BICD2: variants seen among roughly 807,000 people sequenced by gnomAD.
BICD2 encodes the protein BICD cargo adaptor 2.
Under a neutral mutation model 72.9 loss-of-function variants are expected in BICD2, and 25 were observed. That is an observed-to-expected ratio of 0.34 (90% confidence interval 0.25 to 0.48). The LOEUF is 0.48. Ranked by LOEUF, BICD2 falls within the 20% of genes least tolerant of loss-of-function variation. BICD2 has a pLI of 0.99. For synonymous variants in BICD2, 501 were observed against 516.1 expected (o/e 0.97, Z 0.40); for missense variants, 894 against 1,175.2 (o/e 0.76, Z 3.50).
chr9:92,764,225 C>CGCCGGGGCCG lies in BICD2; in HGVS notation c.240+270_240+279dup, dbSNP rs1366354094. 6.6e-6 allele frequency among the ~76,000 whole-genome samples: 1 copy of CGCCGGGGCCG among 152,154 alleles called. No homozygotes were observed. Among genetic ancestry groups the CGCCGGGGCCG allele is most frequent in the Non-Finnish European group, 1.5e-5 (1 of 68,008 alleles). On this transcript the variant is annotated intron_variant, in intron 1 of 6. Transcript: ENST00000356884. The surrounding 1 kb of genome is among the most constrained non-coding windows in gnomAD (Gnocchi z 5.5). Reference sequence around the variant, plus strand: ...CATCAGCCCTTACGAAGCCCCGCCCCGCCGGGGCCGCCCAGGTCCGCACAG... The same window carrying CGCCGGGGCCG: ...CATCAGCCCTTACGAAGCCCCGCCCCGCCGGGGCCGGCCGGGGCCGCCCAGGTCCGCACAG...
At chr9:92,753,578 G>T (rs1340297159) in intron 1 of BICD2, among the ~76,000 whole-genome samples, 1 of 151,514 alleles carries the variant, frequency 6.6e-6, no homozygotes, top group Non-Finnish European at 1.5e-5. Flanking sequence ...TTGCTCTGTC[G>T]CCCAGGCTGG....
At position 92,719,629 on chromosome 9, in the gene BICD2, C is replaced by A. The variant is rs188776432; in HGVS notation, c.1063-47G>T. The A allele has an allele frequency of 2.7e-6, 4 of 1,508,908 alleles. No homozygotes were observed. The African/African-American group carries it at 5.5e-5, about 21-fold the overall frequency. The allele number at this position is 1,508,908 out of a possible 1,614,324, so 93.5% of individuals were successfully genotyped here. The stretch of plus-strand genomic sequence containing the variant: ...GACACCATGTCAGTTGCTATGGACC[C>A]CGAGAGCTTGGAGGACCCCCAAGAT... On this transcript the variant is annotated intron_variant, in intron 4 of 6. Coordinates refer to ENST00000356884, the MANE Select transcript of BICD2 (RefSeq NM_001003800.2).
chr9:92,737,486 C>T (rs1163797191), intron 1 of BICD2, among the ~76,000 whole-genome samples: 4 of 152,138 alleles, frequency 2.6e-5, no homozygotes, highest in African/African-American at 9.7e-5. Context: ...ATCCTGACAA[C>T]CCCAGTGTGG....
intron 1 of BICD2, among the ~76,000 whole-genome samples, chr9:92,747,903 T>A (rs1854048830): frequency 6.6e-6 from 1 of 151,796 alleles, no homozygotes; most frequent in South Asian, 2.1e-4. Flanking sequence ...AGCTGGGAGG[T>A]GACAGGCCCC....
rs1272712052 is a variant in BICD2 at position 92,729,074 on chromosome 9, T to C, written c.403A>G (p.Thr135Ala). ...GCCAGGCGCTCATTCTCCGACTGCGTGTTGGTGAGGACATTGCGCAACTGC... is the reference window on the plus strand; with the variant it reads ...GCCAGGCGCTCATTCTCCGACTGCGCGTTGGTGAGGACATTGCGCAACTGC... ...LKQLRNVLTN[T>A]QSENERLASV... Residue 135 changes from threonine to alanine, a missense_variant, in exon 2 of 7, where the codon ACG (threonine) becomes GCG (alanine). Thr to Ala is a moderately conservative substitution (Grantham distance 58). Coordinates refer to ENST00000356884, the MANE Select transcript of BICD2 (RefSeq NM_001003800.2). 6.2e-6 allele frequency: 10 copies of C among 1,614,212 alleles called. No homozygotes were observed. The highest frequency in any genetic ancestry group is 2.2e-5 in the East Asian group (1 of 44,884).
At chr9:92,741,524 A>G (rs1853896827) in intron 1 of BICD2, among the ~76,000 whole-genome samples, 1 of 152,240 alleles carries the variant, frequency 6.6e-6, no homozygotes, top group Middle Eastern at 3.2e-3. Context: ...TGCTTTCACC[A>G]TAATTTAGCC....
Position 92,718,570 on chromosome 9 carries a change from G to A in BICD2, c.2075C>T (p.Thr692Met), listed in dbSNP as rs777172982. ...GTTGGCCTTGAGCACAGTGCGCAGC[G>A]TGGTGATCTGCTCCCGCTTGGTGCT... ...LLSTKREQIT[T>M]LRTVLKANKQ... Residue 692 changes from threonine (T) to methionine (M), a missense_variant, in exon 5 of 7, where the codon ACG (threonine) becomes ATG (methionine). Thr to Met is a moderately conservative substitution (Grantham distance 81, BLOSUM62 -1). Transcript: ENST00000356884. 5.6e-6 allele frequency: 9 copies of A among 1,613,062 alleles called. No homozygotes were observed. The highest frequency in any genetic ancestry group is 4.4e-5 in the South Asian group (4 of 91,030).
chr9:92,715,768 G>A (rs1387617787), intron 6 of BICD2, among the ~76,000 whole-genome samples: 2 of 152,238 alleles, frequency 1.3e-5, no homozygotes, highest in East Asian at 1.9e-4. Context: ...TCAGCTGCAT[G>A]TAGTGCTTAC....
At chr9:92,758,960 G>A (rs1368320126) in intron 1 of BICD2, among the ~76,000 whole-genome samples, 1 of 151,272 alleles carries the variant, frequency 6.6e-6, no homozygotes. Flanking sequence ...GAGTTCAAGA[G>A]CAGCCTGGGC....
At chr9:92,739,913 G>A (rs1245195395) in intron 1 of BICD2, among the ~76,000 whole-genome samples, 3 of 152,198 alleles carry the variant, frequency 2.0e-5, no homozygotes, top group African/African-American at 7.2e-5. Context: ...GCATAGCCAG[G>A]ACTCCGCAGG....
chr9:92,720,202 G>T lies in BICD2; in HGVS notation c.1062+98C>A. The T allele has an allele frequency of 8.3e-7, 1 of 1,209,826 alleles. No homozygotes were observed. Among genetic ancestry groups the T allele is most frequent in the South Asian group, 1.5e-5 (1 of 64,892 alleles). The allele number at this position is 1,209,826 out of a possible 1,614,324, so 74.9% of individuals were successfully genotyped here. A position where few individuals can be genotyped will look rare whatever the true frequency, so the allele number is the denominator to read the frequency against. ...AGATAAAATCAACGTAAGGAAAAGG[G>T]AAAGTTAACATCAGCAGAGTGTCAG... On this transcript the variant is annotated intron_variant, in intron 4 of 6. Transcript: ENST00000356884. The surrounding 1 kb of genome is among the most constrained non-coding windows in gnomAD (Gnocchi z 5.4).
At chr9:92,743,377 T>TTTTG (rs1853937354) in intron 1 of BICD2, among the ~76,000 whole-genome samples, 1 of 148,380 alleles carries the variant, frequency 6.7e-6, no homozygotes. Context: ...TTTTTTTTTT[T>TTTTG]AAGAGATGGG....
chr9:92,724,633 G>A (rs1006929397), intron 2 of BICD2, among the ~76,000 whole-genome samples: 2 of 152,156 alleles, frequency 1.3e-5, no homozygotes, highest in Admixed American at 1.3e-4. Context: ...GGGACGAAGC[G>A]GGAGAAAGCA....
At chr9:92,737,500 A>G (rs1853812708) in intron 1 of BICD2, among the ~76,000 whole-genome samples, 1 of 152,148 alleles carries the variant, frequency 6.6e-6, no homozygotes, top group African/African-American at 2.4e-5. Flanking sequence ...AGTGTGGGGC[A>G]GCGCGTGGGA....
intron 1 of BICD2, among the ~76,000 whole-genome samples, chr9:92,753,102 C>A (rs982452846): frequency 2.0e-5 from 3 of 152,112 alleles, no homozygotes; most frequent in African/African-American, 7.2e-5. Flanking sequence ...ACCCATAATC[C>A]CAATCTAACC....
Position 92,718,678 on chromosome 9 carries a change from A to G in BICD2, c.1967T>C (p.Ile656Thr). The G allele has an allele frequency of 6.2e-7, 1 of 1,614,080 alleles. No homozygotes were observed. Among genetic ancestry groups the G allele is most frequent in the Non-Finnish European group, 8.5e-7 (1 of 1,180,010 alleles). ...DRTTELSRQRIASQELGPAVD... is the reference protein window; with the variant it reads ...DRTTELSRQRTASQELGPAVD... ...GGCGGGGCCCAGCTCCTGAGAGGCA[A>G]TGCGCTGGCGTGACAGCTCCGTGGT... Residue 656 changes from isoleucine (I) to threonine (T), a missense_variant, in exon 5 of 7, where the codon ATT (isoleucine) becomes ACT (threonine). Ile to Thr is a moderately conservative substitution (Grantham distance 89). Around this residue, in one of 5 missense-constraint regions of BICD2, gnomAD observed 321 missense variants for 443.9 expected, o/e 0.72. Transcript: ENST00000356884.
intron 3 of BICD2, 65 bp downstream of exon 3, chr9:92,722,591 A>C: frequency 6.2e-7 from 1 of 1,603,682 alleles, no homozygotes; most frequent in Non-Finnish European, 8.5e-7. Context: ...AGAGGGGCTG[A>C]GCAAGAGGTC....
chr9:92,738,206 CGTGT>C (rs1402717329), intron 1 of BICD2, among the ~76,000 whole-genome samples: 3 of 152,206 alleles, frequency 2.0e-5, no homozygotes, highest in Admixed American at 2.0e-4. Context: ...CATGGTTGGG[CGTGT>C]GTAAGCCCAC....
intron 1 of BICD2, among the ~76,000 whole-genome samples, chr9:92,759,911 G>T (rs1854336149): frequency 6.6e-6 from 1 of 152,222 alleles, no homozygotes; most frequent in Non-Finnish European, 1.5e-5. Context: ...AGGGACTGTG[G>T]TCCCTAAGTG....
Sources: gnomAD v4.1 joint callset for allele counts (sites outside exome capture counted in the v4.1 genomes callset) on GRCh38, gnomAD v4.1.1 for gene constraint, gnomAD v4.1.1 regional missense constraint, Gnocchi (gnomAD v3.1) non-coding constraint, MANE v1.5 for transcripts, NCBI Gene and HGNC (gene_info 2026-07-23, HGNC 2026-07-21) for gene names.